SLC4A10: variants seen among roughly 807,000 people sequenced by gnomAD.
SLC4A10 encodes sodium-driven chloride bicarbonate exchanger.
SLC4A10 carries 42 observed loss-of-function variants against 137.7 expected under a neutral mutation model. The ratio of observed to expected loss-of-function variants is 0.30; its 90% CI spans 0.24 to 0.39. The LOEUF is 0.39. Among genes scored for constraint, SLC4A10 ranks in the 10% least tolerant of loss-of-function variants. The probability of loss-of-function intolerance (pLI) is 1.00; values close to 1 mark genes in which losing one functional copy is unlikely to be tolerated. For missense variants in SLC4A10, 925 were observed against 1,355.0 expected (o/e 0.68, Z 4.98); for synonymous variants, 474 against 464.1 (o/e 1.02, Z -0.27).
intron 1 of SLC4A10, among the ~76,000 whole-genome samples, chr2:161,673,935 A>G (rs1260119658): frequency 6.6e-6 from 1 of 152,200 alleles, no homozygotes; most frequent in East Asian, 1.9e-4. Context: ...GGTTTCAGTG[A>G]GCTGAGATCA....
At chr2:161,755,157 G>A (rs1049509798) in intron 1 of SLC4A10, among the ~76,000 whole-genome samples, 2 of 152,088 alleles carry the variant, frequency 1.3e-5, no homozygotes, top group African/African-American at 2.4e-5. Context: ...AAGGAATTTC[G>A]CTTAATCGGT....
chr2:161,852,559 T>C (rs1473000923), intron 4 of SLC4A10, among the ~76,000 whole-genome samples: 1 of 152,084 alleles, frequency 6.6e-6, no homozygotes, highest in African/African-American at 2.4e-5. Context: ...AGAAAACAAA[T>C]TGGAATAATA....
rs530532575 is a variant in SLC4A10 at position 161,725,181 on chromosome 2, A to G, written c.49-45792A>G. Among the ~76,000 whole-genome samples the G allele has an allele frequency of 2.6e-5, 4 of 152,262 alleles. No homozygotes were observed. The South Asian group carries it at 8.3e-4, about 32-fold the overall frequency. On this transcript the variant is annotated intron_variant, in intron 1 of 26. Transcript: ENST00000446997. ...GCTGGGCCAGACTCTGAGGTGCTTTAAAGTGAAATTGAGGAATTTTAGATT... is the reference window on the plus strand; with the variant it reads ...GCTGGGCCAGACTCTGAGGTGCTTTGAAGTGAAATTGAGGAATTTTAGATT...
intron 6 of SLC4A10, among the ~76,000 whole-genome samples, chr2:161,864,314 G>A (rs985425944): frequency 1.3e-5 from 2 of 152,180 alleles, no homozygotes; most frequent in African/African-American, 2.4e-5. Context: ...TAATGACAGC[G>A]TGAAATATCA....
intron 15 of SLC4A10, among the ~76,000 whole-genome samples, chr2:161,915,500 T>C (rs1319359236): frequency 1.3e-5 from 2 of 152,172 alleles, no homozygotes; most frequent in East Asian, 3.9e-4. Context: ...TCACTGATGG[T>C]GAGCAGCTTC....
intron 1 of SLC4A10, among the ~76,000 whole-genome samples, chr2:161,733,885 C>G (rs1032540861): frequency 6.6e-6 from 1 of 152,138 alleles, no homozygotes; most frequent in African/African-American, 2.4e-5. Context: ...CAAAGGAGAT[C>G]AATTTGGATT....
At chr2:161,859,162 A>G (rs907594824) in intron 5 of SLC4A10, among the ~76,000 whole-genome samples, 1 of 152,166 alleles carries the variant, frequency 6.6e-6, no homozygotes, top group African/African-American at 2.4e-5. Flanking sequence ...AATCTGCAAT[A>G]TGTCATAACC....
At chr2:161,834,860 A>C (rs117802210) in intron 3 of SLC4A10, among the ~76,000 whole-genome samples, 2 of 152,066 alleles carry the variant, frequency 1.3e-5, no homozygotes, top group African/African-American at 2.4e-5. Context: ...AAACAGCAAT[A>C]ATCTCAATTA....
intron 4 of SLC4A10, among the ~76,000 whole-genome samples, chr2:161,843,410 T>C (rs1216217445): frequency 1.3e-5 from 2 of 152,188 alleles, no homozygotes; most frequent in African/African-American, 4.8e-5. Context: ...CATTCTCTAA[T>C]ATTATTAGAT....
chr2:161,657,428 A>G (rs569462059), intron 1 of SLC4A10, among the ~76,000 whole-genome samples: 1 of 152,134 alleles, frequency 6.6e-6, no homozygotes, highest in South Asian at 2.1e-4. Context: ...GTTCTAGATT[A>G]TTTCTAGATT....
chr2:161,938,299 T>G lies in SLC4A10; in HGVS notation c.1998-4493T>G, dbSNP rs150295441. ...ATAAATAAATTAATTAATGAATTAA[T>G]TAAATAAAGAAAAGTTAGCTTTATT... is the stretch of plus-strand genomic sequence containing the variant. On this transcript the variant is annotated intron_variant, in intron 15 of 26. Coordinates refer to ENST00000446997, the MANE Select transcript of SLC4A10 (RefSeq NM_001178015.2). 7.9e-3 allele frequency among the ~76,000 whole-genome samples: 1,198 copies of G among 152,124 alleles called. 6 individuals are homozygous for G. The highest frequency in any genetic ancestry group is 0.048 in the Middle Eastern group (14 of 294).
At chr2:161,835,068 T>A (rs988894424) in intron 3 of SLC4A10, among the ~76,000 whole-genome samples, 2 of 149,868 alleles carry the variant, frequency 1.3e-5, no homozygotes, top group African/African-American at 4.9e-5. Context: ...GACGGAGTCT[T>A]GCTCTGTCAC....
intron 3 of SLC4A10, among the ~76,000 whole-genome samples, chr2:161,830,630 A>G (rs2058375651): frequency 6.6e-6 from 1 of 152,182 alleles, no homozygotes; most frequent in Non-Finnish European, 1.5e-5. Context: ...AAAGCTATGC[A>G]TAAAGTTCAT....
intron 3 of SLC4A10, among the ~76,000 whole-genome samples, chr2:161,809,241 GTTGAT>G (rs1045623662): frequency 5.3e-5 from 8 of 151,886 alleles, no homozygotes; most frequent in Non-Finnish European, 7.4e-5. Context: ...TTTTTTGCTT[GTTGAT>G]TTGTTTAAAT....
At chr2:161,693,881 G>A (rs2042240223) in intron 1 of SLC4A10, among the ~76,000 whole-genome samples, 1 of 151,726 alleles carries the variant, frequency 6.6e-6, no homozygotes, top group Non-Finnish European at 1.5e-5. Flanking sequence ...ATCCATGGAT[G>A]CTTAGGTTGT....
chr2:161,781,404 T>A (rs2052998423), intron 2 of SLC4A10, among the ~76,000 whole-genome samples: 1 of 152,070 alleles, frequency 6.6e-6, no homozygotes, highest in African/African-American at 2.4e-5. Flanking sequence ...TCAACTTGTG[T>A]GTACATCGAC....
intron 1 of SLC4A10, among the ~76,000 whole-genome samples, chr2:161,729,251 C>A (rs916692384): frequency 3.9e-5 from 6 of 152,066 alleles, no homozygotes; most frequent in Non-Finnish European, 8.8e-5. Flanking sequence ...ATAAATAAAA[C>A]CATTTATATC....
At chr2:161,966,289 T>C (rs1697567897) in intron 23 of SLC4A10, among the ~76,000 whole-genome samples, 1 of 152,186 alleles carries the variant, frequency 6.6e-6, no homozygotes, top group South Asian at 2.1e-4. Context: ...TGATGATGTG[T>C]CTTAATCCTG....
chr2:161,715,683 A>G (rs1288754135), intron 1 of SLC4A10, among the ~76,000 whole-genome samples: 6 of 152,032 alleles, frequency 3.9e-5, no homozygotes. Flanking sequence ...ATTCCTTTCT[A>G]TGGCCACATA....
Sources: gnomAD v4.1 joint callset for allele counts (sites outside exome capture counted in the v4.1 genomes callset) on GRCh38, gnomAD v4.1.1 for gene constraint, MANE v1.5 for transcripts, NCBI Gene and HGNC (gene_info 2026-07-23, HGNC 2026-07-21) for gene names.